MBOAT1: variants seen among roughly 807,000 people sequenced by gnomAD.
MBOAT1 encodes membrane-bound glycerophospholipid O-acyltransferase 1.
Under a neutral mutation model 64.4 loss-of-function variants are expected in MBOAT1, and 67 were observed. The observed-to-expected ratio is 1.04, with a 90% confidence interval of 0.85 to 1.27. MBOAT1 has a LOEUF of 1.27. Ranked by LOEUF, MBOAT1 falls within the 50% of genes most tolerant of loss-of-function variation. The pLI, the probability that MBOAT1 is intolerant of heterozygous loss-of-function variation, is 0.00. For synonymous variants in MBOAT1, 229 were observed against 218.9 expected, an observed-to-expected ratio of 1.05 and a Z score of -0.41; for missense variants, 563 against 604.6, an observed-to-expected ratio of 0.93 and a Z score of 0.72.
intron 1 of MBOAT1, among the ~76,000 whole-genome samples, chr6:20,164,726 G>A (rs934892389): frequency 6.6e-6 from 1 of 152,178 alleles, no homozygotes; most frequent in East Asian, 1.9e-4. Flanking sequence ...CAACCGGGAA[G>A]AAAGAGGCAG....
intron 1 of MBOAT1, among the ~76,000 whole-genome samples, chr6:20,179,627 TG>T (rs1762454859): frequency 6.6e-6 from 1 of 152,184 alleles, no homozygotes; most frequent in African/African-American, 2.4e-5. Flanking sequence ...AATGAACATA[TG>T]CATGCATGTA....
chr6:20,102,405 A>G lies in MBOAT1; in HGVS notation c.1369T>C (p.Tyr457His). The G allele has an allele frequency of 6.2e-7, 1 of 1,605,016 alleles. No homozygotes were observed. The part of the protein sequence containing the change: ...EPTISLYKSM[Y>H]FYLHIISLLI... Reference sequence around the variant, plus strand: ...AGACTTATGATGTGCAAATAAAAGTACATGGACCTGGGAATAAAAATATAC... The same window carrying G: ...AGACTTATGATGTGCAAATAAAAGTGCATGGACCTGGGAATAAAAATATAC... Residue 457 changes from tyrosine to histidine, a missense_variant, in exon 13 of 13, where the codon TAC (tyrosine) becomes CAC (histidine). Coordinates refer to ENST00000324607, the MANE Select transcript of MBOAT1 (RefSeq NM_001080480.3).
At chr6:20,187,647 G>A (rs1206276616) in intron 1 of MBOAT1, among the ~76,000 whole-genome samples, 2 of 152,184 alleles carry the variant, frequency 1.3e-5, no homozygotes, top group Non-Finnish European at 2.9e-5. Flanking sequence ...GGTAGACCCT[G>A]GATTCATGAA....
intron 12 of MBOAT1, among the ~76,000 whole-genome samples, chr6:20,107,725 T>C (rs555690997): frequency 7.8e-4 from 118 of 151,986 alleles, no homozygotes; most frequent in Non-Finnish European, 1.3e-3. Context: ...TGCTATAATA[T>C]GATCAATATA....
chr6:20,114,588 G>T (rs995533253), intron 10 of MBOAT1, among the ~76,000 whole-genome samples: 1 of 152,104 alleles, frequency 6.6e-6, no homozygotes, highest in Admixed American at 6.5e-5. Context: ...GAGAGGTCAA[G>T]AATCTAATTC....
At chr6:20,135,098 C>T (rs767740991) in intron 4 of MBOAT1, among the ~76,000 whole-genome samples, 37 of 152,106 alleles carry the variant, frequency 2.4e-4, no homozygotes, top group Non-Finnish European at 4.3e-4. Context: ...TGGATTTAAA[C>T]GCACTTGTCA....
chr6:20,192,235 AAC>A (rs1310108414), intron 1 of MBOAT1, among the ~76,000 whole-genome samples: 5 of 152,150 alleles, frequency 3.3e-5, no homozygotes, highest in African/African-American at 1.2e-4. Flanking sequence ...CCCATTTCAC[AAC>A]AGTCAAAAAT....
chr6:20,174,271 AC>A (rs1438130873), intron 1 of MBOAT1, among the ~76,000 whole-genome samples: 2 of 152,192 alleles, frequency 1.3e-5, no homozygotes, highest in Non-Finnish European at 2.9e-5. Flanking sequence ...TCTGAGAAAC[AC>A]GACATTAGGC....
chr6:20,138,773 C>T (rs1406418741), intron 4 of MBOAT1, among the ~76,000 whole-genome samples: 1 of 152,116 alleles, frequency 6.6e-6, no homozygotes, highest in Non-Finnish European at 1.5e-5. Flanking sequence ...CTTCCTAGGG[C>T]TGCTGTGAGA....
At position 20,128,711 on chromosome 6, in the gene MBOAT1, C is replaced by T. The variant is rs748118293; in HGVS notation, c.518G>A (p.Arg173Gln). 19 of 1,609,612 alleles carry T rather than the reference C, an allele frequency of 1.2e-5. No individual in the cohort carries two copies. In the Admixed American group the frequency reaches 2.0e-4, roughly 17 times the overall value. The change falls in exon 6 of 13, where the codon CGA becomes CAA. Residue 173 changes from arginine to glutamine, a missense_variant. Coordinates refer to ENST00000324607, the MANE Select transcript of MBOAT1 (RefSeq NM_001080480.3). Reference protein sequence around the residue: ...RAEDLSAEQHRLAIKVKPSFL... With the variant: ...RAEDLSAEQHQLAIKVKPSFL... Reference sequence around the variant, plus strand: ...ACACTTCACTTACTTGATAGCAAGTCGATGTTGTTCAGCAGAAAGGTCTTC... The same window carrying T: ...ACACTTCACTTACTTGATAGCAAGTTGATGTTGTTCAGCAGAAAGGTCTTC...
rs1408541073 is a variant in MBOAT1, at chr6:20,151,246, A to C, written c.262T>G (p.Phe88Val). ...GCATAGCACATTAACACCAGCACAA[A>C]AAGATGCACAGAGTACCTTTAAGAC... ...FCFGWYSVHL[F>V]VLVLMCYAIM... The change falls in exon 3 of 13, where the codon TTT becomes GTT. Residue 88 changes from phenylalanine to valine, a missense_variant. By Grantham distance (50) the Phe-to-Val change is conservative (BLOSUM62 -1). Coordinates refer to ENST00000324607, the MANE Select transcript of MBOAT1 (RefSeq NM_001080480.3). 1.2e-6 allele frequency: 2 copies of C among 1,612,734 alleles called. No homozygotes were observed. Among genetic ancestry groups the C allele is most frequent in the Non-Finnish European group, 1.7e-6 (2 of 1,179,056 alleles).
intron 3 of MBOAT1, among the ~76,000 whole-genome samples, chr6:20,149,832 CT>C (rs1761436777): frequency 6.6e-6 from 1 of 152,222 alleles, no homozygotes. Flanking sequence ...AGGAAAACTA[CT>C]GTGCTAATAG....
chr6:20,155,469 G>C (rs565776210), intron 1 of MBOAT1, among the ~76,000 whole-genome samples: 133 of 152,310 alleles, frequency 8.7e-4, no homozygotes, highest in African/African-American at 3.1e-3. Flanking sequence ...AAGAAGAGAA[G>C]ACTTACATGC....
chr6:20,108,583 A>G (rs1760026811), intron 12 of MBOAT1, among the ~76,000 whole-genome samples: 1 of 152,218 alleles, frequency 6.6e-6, no homozygotes, highest in African/African-American at 2.4e-5. Context: ...CAATCCATTC[A>G]TGACCCCTCC....
rs566637887 is a variant in MBOAT1, at chr6:20,196,350, C to G, written c.99+15786G>C. Among the ~76,000 whole-genome samples, 9 of 152,248 alleles carry G rather than the reference C, an allele frequency of 5.9e-5. No homozygotes were observed. The East Asian group carries it at 1.7e-3, about 29-fold the overall frequency. On this transcript the variant is annotated intron_variant, in intron 1 of 12. Coordinates refer to ENST00000324607, the MANE Select transcript of MBOAT1 (RefSeq NM_001080480.3). The stretch of plus-strand genomic sequence containing the variant: ...AAATGTAAGAAGCTAGTCACAAAGA[C>G]CACATACTGTATGATTCTGTTTATA...
chr6:20,127,248 G>C lies in MBOAT1; in HGVS notation c.531-548C>G, dbSNP rs544015066. ...TTCCTGAGTAACAGACCAAGGTAGT[G>C]GAGGGAAAAAAGTCTGTAGAGAACT... On this transcript the variant is annotated intron_variant, in intron 6 of 12. Coordinates refer to ENST00000324607, the MANE Select transcript of MBOAT1 (RefSeq NM_001080480.3). Among the ~76,000 whole-genome samples the C allele has an allele frequency of 6.0e-4, 91 of 152,262 alleles. 2 individuals carry two copies. In the South Asian group the frequency reaches 0.018, roughly 31 times the overall value.
At chr6:20,170,776 C>T (rs116334143) in intron 1 of MBOAT1, among the ~76,000 whole-genome samples, 4,046 of 152,294 alleles carry the variant, frequency 0.027, 70 homozygotes, top group South Asian at 0.04. Flanking sequence ...GCACTTCTCA[C>T]TCTGTATTGT....
chr6:20,137,849 T>C (rs1172193899), intron 4 of MBOAT1, among the ~76,000 whole-genome samples: 1 of 152,240 alleles, frequency 6.6e-6, no homozygotes, highest in East Asian at 1.9e-4. Context: ...TTTGCATGCA[T>C]GCTCAAAAGA....
chr6:20,150,511 T>A (rs1217169684), intron 3 of MBOAT1, among the ~76,000 whole-genome samples: 1 of 151,910 alleles, frequency 6.6e-6, no homozygotes. Flanking sequence ...TTTTGAGATT[T>A]ATCCACGACA....
Sources: allele counts gnomAD v4.1 joint callset (sites outside exome capture counted in the v4.1 genomes callset), GRCh38; gene constraint gnomAD v4.1.1; transcripts MANE v1.5; gene names NCBI Gene and HGNC (gene_info 2026-07-23, HGNC 2026-07-21).